PRELID2: variants seen among roughly 807,000 people sequenced by gnomAD.
PRELID2 encodes the protein PRELI domain-containing protein 2.
PRELID2 carries 25 observed loss-of-function variants against 28.4 expected under a neutral mutation model. The observed-to-expected ratio is 0.88, with a 90% CI of 0.64 to 1.23. The LOEUF is 1.23. PRELID2 is among the 50% of genes most tolerant of loss of function. PRELID2 has a pLI of 0.00. For missense variants in PRELID2, 201 were observed against 214.4 expected, an observed-to-expected ratio of 0.94 and a Z score of 0.39; for synonymous variants, 76 against 71.6, an observed-to-expected ratio of 1.06 and a Z score of -0.31.
intron 1 of PRELID2, among the ~76,000 whole-genome samples, chr5:145,477,386 G>A (rs550492935): frequency 3.3e-5 from 5 of 152,094 alleles, no homozygotes; most frequent in Non-Finnish European, 2.9e-5. Context: ...CCTATCCTAT[G>A]AATAATTTTA....
At chr5:145,551,628 CAGTGAT>C (rs954676533) in intron 1 of PRELID2, among the ~76,000 whole-genome samples, 8 of 152,082 alleles carry the variant, frequency 5.3e-5, no homozygotes, top group Admixed American at 5.2e-4. Flanking sequence ...AGTGTCACTG[CAGTGAT>C]TGAAAACATG....
At chr5:145,622,648 T>C (rs1366738287) in intron 1 of PRELID2, among the ~76,000 whole-genome samples, 1 of 152,166 alleles carries the variant, frequency 6.6e-6, no homozygotes, top group Non-Finnish European at 1.5e-5. Flanking sequence ...GATTTCCTTG[T>C]ATTGTTCAAG....
the PRELID2 span, among the ~76,000 whole-genome samples, chr5:145,389,605 A>G: frequency 6.6e-6 from 1 of 152,210 alleles, no homozygotes; most frequent in East Asian, 1.9e-4. Flanking sequence ...CATAAAATAC[A>G]GTATACATCT....
chr5:145,439,968 C>T, the PRELID2 span, among the ~76,000 whole-genome samples: 1 of 152,056 alleles, frequency 6.6e-6, no homozygotes, highest in Non-Finnish European at 1.5e-5. Flanking sequence ...CCATTTGTGC[C>T]CAATTTACCT....
rs1392195407 is a variant in PRELID2 at position 145,818,106 on chromosome 5, TA to T, written c.208-53del. The T allele has an allele frequency of 3.2e-6, 5 of 1,568,798 alleles. No homozygotes were observed. The Admixed American group carries it at 8.7e-5, about 27-fold the overall frequency. Reference sequence around the variant, plus strand: ...TTCAATTTAGGAAGAGCAGGCAACATAATGACTGCATCCAGAGTTACTCTCA... The same window carrying T: ...TTCAATTTAGGAAGAGCAGGCAACATATGACTGCATCCAGAGTTACTCTCA... On this transcript the variant is annotated intron_variant, in intron 3 of 6. Transcript: ENST00000683046.
chr5:145,716,916 C>G (rs1454906019), intron 1 of PRELID2, among the ~76,000 whole-genome samples: 4 of 152,054 alleles, frequency 2.6e-5, no homozygotes, highest in Admixed American at 2.6e-4. Flanking sequence ...CACCTGCACA[C>G]TATATGTATG....
intron 5 of PRELID2, among the ~76,000 whole-genome samples, chr5:145,790,717 G>GTT (rs1752313732): frequency 1.4e-5 from 1 of 72,168 alleles, no homozygotes; most frequent in Non-Finnish European, 3.1e-5. Flanking sequence ...GTGTGTGTGT[G>GTT]TGTGTATATA....
rs35455268 is a variant in PRELID2, at chr5:145,600,420, G to GAAA, written n.71-127108_71-127106dup. 1.1e-3 allele frequency among the ~76,000 whole-genome samples: 141 copies of GAAA among 124,042 alleles called. 2 individuals carry two copies. Among genetic ancestry groups the GAAA allele is most frequent in the African/African-American group, 4.7e-3 (128 of 27,210 alleles). The allele number at this position is 124,042 out of a possible 152,430, so 81.4% of individuals were successfully genotyped here. The stretch of plus-strand genomic sequence containing the variant: ...AAGGCATGAGCTTCTCTCAGGGGGG[G>GAAA]AAAAAAAAAAAAAAATATATATATA... On this transcript the variant is annotated intron_variant and non_coding_transcript_variant, in intron 1 of 2. Transcript: ENST00000510259.
the PRELID2 span, among the ~76,000 whole-genome samples, chr5:145,315,614 T>A: frequency 6.6e-6 from 1 of 151,264 alleles, no homozygotes; most frequent in African/African-American, 2.4e-5. Context: ...TTGGATCTTT[T>A]TATCTGAAAT....
intron 1 of PRELID2, among the ~76,000 whole-genome samples, chr5:145,633,300 C>A (rs1753955621): frequency 6.6e-6 from 1 of 152,132 alleles, no homozygotes; most frequent in Non-Finnish European, 1.5e-5. Flanking sequence ...TTTTTAAAAA[C>A]CTAATATAGT....
At chr5:145,258,016 C>T in the PRELID2 span, among the ~76,000 whole-genome samples, 1 of 152,174 alleles carries the variant, frequency 6.6e-6, no homozygotes, top group Non-Finnish European at 1.5e-5. Context: ...TTCACTCTCT[C>T]TTTCTCTTTT....
At chr5:145,248,970 A>G in the PRELID2 span, among the ~76,000 whole-genome samples, 1 of 152,248 alleles carries the variant, frequency 6.6e-6, no homozygotes, top group Non-Finnish European at 1.5e-5. Flanking sequence ...ATTTGAGGCT[A>G]TCACGTGTTT....
chr5:145,270,771 T>G, the PRELID2 span, among the ~76,000 whole-genome samples: 160 of 152,286 alleles, frequency 1.1e-3, 1 homozygote, highest in African/African-American at 3.4e-3. Flanking sequence ...AAAATTAATA[T>G]CCTTACATGT....
At chr5:145,415,794 C>T in the PRELID2 span, among the ~76,000 whole-genome samples, 20 of 151,774 alleles carry the variant, frequency 1.3e-4, no homozygotes, top group Admixed American at 8.6e-4. Context: ...GGGTATATAC[C>T]CACTAATGAG....
chr5:145,559,344 A>C (rs1392959851), intron 1 of PRELID2, among the ~76,000 whole-genome samples: 4 of 152,200 alleles, frequency 2.6e-5, no homozygotes. Flanking sequence ...ATCTACATTA[A>C]GTAAAATGCT....
At chr5:145,419,803 C>T in the PRELID2 span, among the ~76,000 whole-genome samples, 12 of 151,988 alleles carry the variant, frequency 7.9e-5, no homozygotes, top group East Asian at 1.5e-3. Context: ...GAAGTCCTTG[C>T]CCATGCCTAT....
At chr5:145,754,552 A>C (rs1249424437), downstream of PRELID2, among the ~76,000 whole-genome samples, 3 of 152,210 alleles carry the variant, frequency 2.0e-5, no homozygotes, top group African/African-American at 7.2e-5. Flanking sequence ...ACTCATACTA[A>C]GTTGTTATAA....
intron 1 of PRELID2, among the ~76,000 whole-genome samples, chr5:145,551,421 TA>T (rs1752832963): frequency 1.3e-5 from 2 of 151,384 alleles, no homozygotes; most frequent in Admixed American, 1.3e-4. Context: ...AATAAATAAA[TA>T]AATAAATAAA....
chr5:145,624,822 G>A (rs1159619206), intron 1 of PRELID2, among the ~76,000 whole-genome samples: 1 of 152,022 alleles, frequency 6.6e-6, no homozygotes, highest in Non-Finnish European at 1.5e-5. Flanking sequence ...TAAGAAATTT[G>A]CAACATGTGT....
Sources: allele counts gnomAD v4.1 joint callset (sites outside exome capture counted in the v4.1 genomes callset), GRCh38; gene constraint gnomAD v4.1.1; transcripts MANE v1.5; gene names NCBI Gene and HGNC (gene_info 2026-07-23, HGNC 2026-07-21).